The following GABRG3 variants were observed in gnomAD, a reference collection of about 807,000 sequenced individuals.
GABRG3 encodes the protein gamma-aminobutyric acid receptor subunit gamma-3.
Under a neutral mutation model 48.8 loss-of-function variants are expected in GABRG3, and 25 were observed. The observed-to-expected ratio is 0.51, with a 90% CI of 0.37 to 0.72. The LOEUF (loss-of-function observed/expected upper bound fraction) is 0.72, where lower values mean the gene tolerates loss of function less well. Ranked by LOEUF, GABRG3 falls within the 30% of genes least tolerant of loss-of-function variation. The pLI, the probability that GABRG3 is intolerant of heterozygous loss-of-function variation, is 0.00. For synonymous variants in GABRG3, 227 were observed against 217.6 expected, an observed-to-expected ratio of 1.04 and a Z score of -0.38; for missense variants, 394 against 577.9, an observed-to-expected ratio of 0.68 and a Z score of 3.26.
intron 3 of GABRG3, among the ~76,000 whole-genome samples, chr15:27,046,442 G>C (rs1896367268): frequency 6.6e-6 from 1 of 152,142 alleles, no homozygotes; most frequent in African/African-American, 2.4e-5. Flanking sequence ...CTTACTCAGT[G>C]TCCCCTGGCT....
intron 2 of GABRG3, among the ~76,000 whole-genome samples, chr15:26,977,460 C>T (rs1280139478): frequency 1.3e-5 from 2 of 152,216 alleles, no homozygotes; most frequent in Non-Finnish European, 2.9e-5. Context: ...TTTACTGTCA[C>T]ATCTGCTTCC....
rs180679790 is a variant in GABRG3, at chr15:27,240,641, A to G, written c.271-86168A>G. ...TATAACTTAATTTTATCCACAAAGAACAACAAAGCAGCTGTTTAAATGCAT... is the reference window on the plus strand; with the variant it reads ...TATAACTTAATTTTATCCACAAAGAGCAACAAAGCAGCTGTTTAAATGCAT... On this transcript the variant is annotated intron_variant, in intron 3 of 9. Coordinates refer to ENST00000615808, the MANE Select transcript of GABRG3 (RefSeq NM_033223.5). Among the ~76,000 whole-genome samples, 391 of 152,352 alleles carry G rather than the reference A, an allele frequency of 2.6e-3. 1 individual carries two copies. The highest frequency in any genetic ancestry group is 8.9e-3 in the African/African-American group (370 of 41,572).
At chr15:27,178,676 T>C (rs1887824840) in intron 3 of GABRG3, among the ~76,000 whole-genome samples, 1 of 152,200 alleles carries the variant, frequency 6.6e-6, no homozygotes, top group Non-Finnish European at 1.5e-5. Context: ...TGGACAGTTG[T>C]GTAGAAATAT....
intron 3 of GABRG3, among the ~76,000 whole-genome samples, chr15:27,323,853 G>A (rs1208868272): frequency 6.6e-6 from 1 of 152,178 alleles, no homozygotes; most frequent in Non-Finnish European, 1.5e-5. Flanking sequence ...AGGGCACGTG[G>A]TTCACGTGAG....
intron 3 of GABRG3, among the ~76,000 whole-genome samples, chr15:27,070,124 C>T (rs987067525): frequency 2.0e-5 from 3 of 152,252 alleles, no homozygotes; most frequent in South Asian, 2.1e-4. Context: ...TCCTCCCCCA[C>T]GTGAGGACAG....
intron 5 of GABRG3, among the ~76,000 whole-genome samples, chr15:27,416,880 C>T (rs568250264): frequency 6.6e-6 from 1 of 152,298 alleles, no homozygotes; most frequent in Admixed American, 6.5e-5. Flanking sequence ...ACCTGTTTTT[C>T]ACAATTCTCT....
chr15:27,433,826 G>A (rs1174235087), intron 5 of GABRG3, among the ~76,000 whole-genome samples: 2 of 152,178 alleles, frequency 1.3e-5, no homozygotes, highest in Admixed American at 6.5e-5. Context: ...GGGAATCACA[G>A]TCATAAATCA....
At chr15:27,000,287 A>G (rs1392012191) in intron 2 of GABRG3, among the ~76,000 whole-genome samples, 1 of 152,114 alleles carries the variant, frequency 6.6e-6, no homozygotes, top group Non-Finnish European at 1.5e-5. Flanking sequence ...ATTTTGGTGT[A>G]TAGTTGAGTT....
chr15:27,029,955 A>G (rs1343756015), intron 3 of GABRG3, among the ~76,000 whole-genome samples: 1 of 152,256 alleles, frequency 6.6e-6, no homozygotes, highest in African/African-American at 2.4e-5. Flanking sequence ...TATCTGTGCA[A>G]CCAAACGACG....
At chr15:27,281,982 A>G (rs1441040929) in intron 3 of GABRG3, among the ~76,000 whole-genome samples, 1 of 152,096 alleles carries the variant, frequency 6.6e-6, no homozygotes, top group African/African-American at 2.4e-5. Flanking sequence ...TCCTAAAGAC[A>G]TTATTTGCTG....
intron 5 of GABRG3, among the ~76,000 whole-genome samples, chr15:27,431,275 T>G (rs1222378874): frequency 6.6e-6 from 1 of 152,136 alleles, no homozygotes; most frequent in East Asian, 1.9e-4. Flanking sequence ...GGAAAGTGAG[T>G]GCCATCTGGA....
intron 3 of GABRG3, among the ~76,000 whole-genome samples, chr15:27,203,784 A>C (rs28823353): frequency 0.051 from 7,830 of 152,070 alleles, 321 homozygotes; most frequent in East Asian, 0.16. Flanking sequence ...ATTTCCCTAA[A>C]GAGTAGTGAT....
chr15:27,130,650 T>C (rs1247896553), intron 3 of GABRG3, among the ~76,000 whole-genome samples: 1 of 152,096 alleles, frequency 6.6e-6, no homozygotes, highest in East Asian at 1.9e-4. Context: ...ATCTTAACAA[T>C]ATTAGATCTT....
At chr15:27,368,792 G>T (rs1424930396) in intron 5 of GABRG3, among the ~76,000 whole-genome samples, 1 of 152,144 alleles carries the variant, frequency 6.6e-6, no homozygotes, top group Non-Finnish European at 1.5e-5. Flanking sequence ...ATGGGAGTCT[G>T]GGAGGCTTTA....
chr15:27,230,239 G>A (rs1405925077), intron 3 of GABRG3, among the ~76,000 whole-genome samples: 1 of 152,032 alleles, frequency 6.6e-6, no homozygotes, highest in Non-Finnish European at 1.5e-5. Context: ...CATATAAATC[G>A]AACCAAACCT....
At chr15:27,524,093 T>G (rs954678093) in intron 7 of GABRG3, among the ~76,000 whole-genome samples, 1 of 152,084 alleles carries the variant, frequency 6.6e-6, no homozygotes, top group Non-Finnish European at 1.5e-5. Context: ...CACATCATAA[T>G]CAAACTCTTA....
intron 5 of GABRG3, among the ~76,000 whole-genome samples, chr15:27,474,045 C>T (rs1889862249): frequency 6.6e-6 from 1 of 151,778 alleles, no homozygotes; most frequent in Non-Finnish European, 1.5e-5. Context: ...CAGGCCTGAA[C>T]AGGTCCAGCC....
At chr15:27,499,198 T>C (rs1053414879) in intron 6 of GABRG3, among the ~76,000 whole-genome samples, 5 of 152,196 alleles carry the variant, frequency 3.3e-5, no homozygotes, top group African/African-American at 1.2e-4. Flanking sequence ...TACAAAGATA[T>C]AAGACTAATT....
intron 3 of GABRG3, among the ~76,000 whole-genome samples, chr15:27,116,499 A>T (rs1230325093): frequency 6.6e-6 from 1 of 152,216 alleles, no homozygotes; most frequent in Non-Finnish European, 1.5e-5. Context: ...ATAAGGAAAG[A>T]TTCTAGCAAA....
Sources: gnomAD v4.1 joint callset for allele counts (sites outside exome capture counted in the v4.1 genomes callset) on GRCh38, gnomAD v4.1.1 for gene constraint, MANE v1.5 for transcripts, NCBI Gene and HGNC (gene_info 2026-07-23, HGNC 2026-07-21) for gene names.